ATP2A1: variants seen among roughly 807,000 people sequenced by gnomAD.
ATP2A1 encodes sarcoplasmic/endoplasmic reticulum calcium ATPase 1.
ATP2A1 carries 83 observed loss-of-function variants against 109.5 expected under a neutral mutation model. The observed-to-expected ratio is 0.76, with a 90% CI of 0.63 to 0.91. The LOEUF is 0.91. ATP2A1 is among the 40% of genes least tolerant of loss of function. The pLI is 0.00. For synonymous variants in ATP2A1, 505 were observed against 537.6 expected, an observed-to-expected ratio of 0.94 and a Z score of 0.84; for missense variants, 1,101 against 1,341.0, an observed-to-expected ratio of 0.82 and a Z score of 2.80.
intron 6 of ATP2A1, 104 bp from the exon 7 acceptor site, chr16:28,887,085 T>C (rs995720478): frequency 8.2e-7 from 1 of 1,221,528 alleles, no homozygotes; most frequent in Non-Finnish European, 1.2e-6. Flanking sequence ...GGCTACTTGG[T>C]CCTTACCAGG....
chr16:28,882,001 AATCTC>A (rs1207066095), intron 4 of ATP2A1, among the ~76,000 whole-genome samples: 1 of 150,860 alleles, frequency 6.6e-6, no homozygotes, highest in African/African-American at 2.4e-5. Context: ...GCAGTGGCGT[AATCTC>A]ATCTCACTGC....
chr16:28,894,864 G>C lies in ATP2A1; in HGVS notation c.1330G>C (p.Ala444Pro), dbSNP rs1452181975. The C allele has an allele frequency of 6.2e-7, 1 of 1,611,730 alleles. No homozygotes were observed. Among genetic ancestry groups the C allele is most frequent in the South Asian group, 1.1e-5 (1 of 91,072 alleles). The change falls in exon 12 of 23, where the codon GCA (alanine) becomes CCA (proline). Residue 444 changes from alanine to proline, a missense_variant. Ala to Pro is a conservative substitution (Grantham distance 27). Coordinates refer to ENST00000395503, the MANE Select transcript of ATP2A1 (RefSeq NM_004320.6). Reference sequence around the variant, plus strand: ...GAAGGTCGGCGAGGCCACCGAGACAGCACTCACCACCCTGGTGGAGAAGAT... The same window carrying C: ...GAAGGTCGGCGAGGCCACCGAGACACCACTCACCACCCTGGTGGAGAAGAT... ...YEKVGEATET[A>P]LTTLVEKMNV...
chr16:28,897,429 G>A (rs1963947790), intron 12 of ATP2A1, among the ~76,000 whole-genome samples: 1 of 152,188 alleles, frequency 6.6e-6, no homozygotes, highest in Non-Finnish European at 1.5e-5. Flanking sequence ...CCAGAGCCAA[G>A]GCTACAGTGG....
rs371022017 is a variant in ATP2A1, at chr16:28,882,479, C to G, written c.353C>G (p.Ala118Gly). 6.2e-7 allele frequency: 1 copy of G among 1,614,066 alleles called. No homozygotes were observed. The highest frequency in any genetic ancestry group is 2.2e-5 in the East Asian group (1 of 44,884). Reference protein sequence around the residue: ...QERNAENAIEALKEYEPEMGK... With the variant: ...QERNAENAIEGLKEYEPEMGK... ...CGGAACGCAGAGAACGCCATCGAGGCCCTGAAGGAGTATGAGCCAGAGATG... is the reference window on the plus strand; with the variant it reads ...CGGAACGCAGAGAACGCCATCGAGGGCCTGAAGGAGTATGAGCCAGAGATG... Residue 118 changes from alanine to glycine, a missense_variant, in exon 5 of 23, where the codon GCC (alanine) becomes GGC (glycine). Coordinates refer to ENST00000395503, the MANE Select transcript of ATP2A1 (RefSeq NM_004320.6).
In ATP2A1 at chr16:28,880,428, AG is replaced by A. The variant is rs1963433284; in HGVS notation, c.220-486del. 6.6e-6 allele frequency among the ~76,000 whole-genome samples: 1 copy of A among 152,200 alleles called. No individual in the cohort carries two copies. The highest frequency in any genetic ancestry group is 2.4e-5 in the African/African-American group (1 of 41,434). On this transcript the variant is annotated intron_variant, in intron 3 of 22. Transcript: ENST00000395503. The surrounding 1 kb of genome is among the most constrained non-coding windows in gnomAD (Gnocchi z 4.2). ...TTGCCTGCTGCCTGGCGGTGGCAAC[AG>A]CTGGGGCGGGGCGCGCGCAGGAGGC...
intron 9 of ATP2A1, among the ~76,000 whole-genome samples, chr16:28,891,094 G>A (rs562943980): frequency 1.3e-5 from 2 of 152,118 alleles, no homozygotes; most frequent in Admixed American, 6.5e-5. Flanking sequence ...TCAGGATTTC[G>A]AGAATAGCTT....
chr16:28,902,855 C>T lies in ATP2A1; in HGVS notation c.2688C>T (p.Pro896=). 1 of 1,614,052 alleles carries T rather than the reference C, an allele frequency of 6.2e-7. No homozygotes were observed. Among genetic ancestry groups the T allele is most frequent in the Non-Finnish European group, 8.5e-7 (1 of 1,179,972 alleles). The change falls in exon 19 of 23, where the codon CCC becomes CCT. Residue 896 remains proline, a synonymous_variant. Coordinates refer to ENST00000395503, the MANE Select transcript of ATP2A1 (RefSeq NM_004320.6). The surrounding 1 kb of genome is among the most constrained non-coding windows in gnomAD (Gnocchi z 4.8). ...IDCEVFEAPE[P]MTMALSVLVT... is the part of the protein sequence containing the mutation. Reference sequence around the variant, plus strand: ...GTGAGGTCTTCGAGGCCCCCGAGCCCATGACCATGGCCCTGTCCGTGCTGG... The same window carrying T: ...GTGAGGTCTTCGAGGCCCCCGAGCCTATGACCATGGCCCTGTCCGTGCTGG...
chr16:28,900,238 C>G (rs1423744268), intron 14 of ATP2A1, among the ~76,000 whole-genome samples: 1 of 150,870 alleles, frequency 6.6e-6, no homozygotes, highest in East Asian at 2.0e-4. Flanking sequence ...TAGATTGAGG[C>G]TGCAGTGAGC....
chr16:28,885,901 C>T (rs778902058), intron 6 of ATP2A1, among the ~76,000 whole-genome samples: 8 of 151,990 alleles, frequency 5.3e-5, no homozygotes, highest in Non-Finnish European at 1.2e-4. Flanking sequence ...CGTGGTGGCT[C>T]ATACCTGTAA....
chr16:28,888,295 A>G (rs2152204764), intron 8 of ATP2A1, among the ~76,000 whole-genome samples: 1 of 152,136 alleles, frequency 6.6e-6, no homozygotes, highest in East Asian at 1.9e-4. Context: ...GGCCTCCCAA[A>G]GTGCTGGGGT....
At chr16:28,897,917 C>G in intron 12 of ATP2A1, 83 bp from the exon 13 acceptor site, 2 of 1,555,280 alleles carry the variant, frequency 1.3e-6, no homozygotes, top group Non-Finnish European at 1.8e-6. Flanking sequence ...TAGTCTCAGC[C>G]TTAGCTTGGG....
chr16:28,879,420 G>C, intron 2 of ATP2A1, 81 bp from the exon 3 acceptor site: 1 of 1,340,950 alleles, frequency 7.5e-7, no homozygotes. Context: ...CCCCACTGCA[G>C]GCCGGAGTCC....
chr16:28,883,600 G>C lies in ATP2A1; in HGVS notation c.464-975G>C. On this transcript the variant is annotated intron_variant, in intron 5 of 22. Transcript: ENST00000395503. The surrounding 1 kb of genome is among the most constrained non-coding windows in gnomAD (Gnocchi z 5.2). Reference sequence around the variant, plus strand: ...AGTGCGGAATTAGGCAGCGGCCCTGGGAGATTCTTAGCCTCCTCCTAAGGT... The same window carrying C: ...AGTGCGGAATTAGGCAGCGGCCCTGCGAGATTCTTAGCCTCCTCCTAAGGT... 6.6e-6 allele frequency among the ~76,000 whole-genome samples: 1 copy of C among 152,132 alleles called. No homozygotes were observed. Among genetic ancestry groups the C allele is most frequent in the East Asian group, 1.9e-4 (1 of 5,194 alleles).
At chr16:28,882,907 C>T (rs1012881935) in intron 5 of ATP2A1, among the ~76,000 whole-genome samples, 5 of 152,340 alleles carry the variant, frequency 3.3e-5, no homozygotes, top group East Asian at 1.9e-4. Flanking sequence ...CACCCCCTCC[C>T]GGGCCTGGCT....
Position 28,878,618 on chromosome 16 carries a change from G to T in ATP2A1, c.-54G>T. ...ACACACTGAGGAAGACCCCCCACGA[G>T]TGGGAACCCCCTGGAAGGAACACAC... is the stretch of plus-strand genomic sequence containing the variant. On this transcript the variant is annotated 5_prime_UTR_variant, in exon 1 of 23. Transcript: ENST00000395503. 1 of 1,476,336 alleles carries T rather than the reference G, an allele frequency of 6.8e-7. No homozygotes were observed. Among genetic ancestry groups the T allele is most frequent in the Non-Finnish European group, 9.3e-7 (1 of 1,075,676 alleles). The allele number at this position is 1,476,336 out of a possible 1,614,324, so 91.5% of individuals were successfully genotyped here. A position where few individuals can be genotyped will look rare whatever the true frequency, so the allele number is the denominator to read the frequency against.
In ATP2A1 at chr16:28,900,783, G is replaced by T. The variant is rs143704560; in HGVS notation, c.1967G>T (p.Arg656Leu). ...GTGGCCGATCGCGCCTACACGGGCC[G>T]AGAGTTCGACGACCTGCCCCTGGCT... The part of the protein sequence containing the change: ...EEVADRAYTG[R>L]EFDDLPLAEQ... Residue 656 changes from arginine (R) to leucine (L), a missense_variant, in exon 15 of 23, where the codon CGA becomes CTA. Coordinates refer to ENST00000395503, the MANE Select transcript of ATP2A1 (RefSeq NM_004320.6). 2 of 1,614,134 alleles carry T rather than the reference G, an allele frequency of 1.2e-6. No homozygotes were observed. Among genetic ancestry groups the T allele is most frequent in the African/African-American group, 1.3e-5 (1 of 74,958 alleles).
rs111474647 is a variant in ATP2A1, at chr16:28,880,516, G to T, written c.220-399G>T. On this transcript the variant is annotated intron_variant, in intron 3 of 22. Coordinates refer to ENST00000395503, the MANE Select transcript of ATP2A1 (RefSeq NM_004320.6). The surrounding 1 kb of genome is among the most constrained non-coding windows in gnomAD (Gnocchi z 4.2). ...ACCGGAGCTTCCCTGCCTTGGCCGA[G>T]GGGGAGGGCTGCGGGGGCCAGACCG... is the stretch of plus-strand genomic sequence containing the variant. Among the ~76,000 whole-genome samples the T allele has an allele frequency of 0.019, 2,881 of 152,356 alleles. 88 individuals carry two copies. The highest frequency in any genetic ancestry group is 0.064 in the African/African-American group (2,678 of 41,574).
intron 6 of ATP2A1, among the ~76,000 whole-genome samples, chr16:28,886,358 T>G (rs1236101003): frequency 6.6e-6 from 1 of 151,946 alleles, no homozygotes; most frequent in African/African-American, 2.4e-5. Context: ...CATAGCTGCT[T>G]CTGTTTCCGC....
chr16:28,879,926 A>G (rs1963409311), intron 3 of ATP2A1: 1 of 899,362 alleles, frequency 1.1e-6, no homozygotes, highest in African/African-American at 1.8e-5. Context: ...GGCCACTGCC[A>G]CTCCCGGCAT....
Sources: gnomAD v4.1 joint callset for allele counts (sites outside exome capture counted in the v4.1 genomes callset) on GRCh38, gnomAD v4.1.1 for gene constraint, Gnocchi (gnomAD v3.1) non-coding constraint, MANE v1.5 for transcripts, NCBI Gene and HGNC (gene_info 2026-07-23, HGNC 2026-07-21) for gene names.